Variants in FYB1 observed in about 807,000 individuals in gnomAD.
FYB1 encodes the protein FYN-binding protein 1.
A neutral mutation model predicts 94.1 loss-of-function variants in FYB1; 41 were observed. The ratio of observed to expected loss-of-function variants is 0.44; its 90% CI spans 0.34 to 0.57. FYB1 has a LOEUF of 0.57. Ranked by LOEUF, FYB1 falls within the 20% of genes least tolerant of loss-of-function variation. The pLI is 0.02. For missense variants in FYB1, 1,050 were observed against 976.8 expected (o/e 1.07, Z -1.00); for synonymous variants, 367 against 353.2 (o/e 1.04, Z -0.44).
At chr5:39,120,345 T>C (rs1739976031) in intron 14 of FYB1, among the ~76,000 whole-genome samples, 1 of 152,004 alleles carries the variant, frequency 6.6e-6, no homozygotes. Context: ...GACTTACTTT[T>C]TTTAAAACTG....
chr5:39,127,896 T>C, intron 10 of FYB1, 89 bp from the exon 11 acceptor site: 1 of 1,230,104 alleles, frequency 8.1e-7, no homozygotes, highest in Admixed American at 2.8e-5. Flanking sequence ...ATCTTCCTTA[T>C]TTAACTGCAG....
intron 3 of FYB1, among the ~76,000 whole-genome samples, chr5:39,144,020 A>T (rs61214200): frequency 0.17 from 26,004 of 152,168 alleles, 2,508 homozygotes; most frequent in Non-Finnish European, 0.22. Flanking sequence ...AATAAGCCAA[A>T]CTCATAGTAA....
At chr5:39,213,753 A>T (rs968643901) in intron 1 of FYB1, among the ~76,000 whole-genome samples, 2 of 152,166 alleles carry the variant, frequency 1.3e-5, no homozygotes, top group Non-Finnish European at 2.9e-5. Flanking sequence ...GCTGCCCCTT[A>T]GAGTTGGTTA....
intron 2 of FYB1, among the ~76,000 whole-genome samples, chr5:39,188,668 G>A (rs190805126): frequency 0.01 from 1,527 of 151,644 alleles, 9 homozygotes; most frequent in Non-Finnish European, 0.016. Context: ...AGTAGCTGGG[G>A]TTACAGGCGC....
intron 2 of FYB1, among the ~76,000 whole-genome samples, chr5:39,181,231 T>C (rs984222205): frequency 6.6e-6 from 1 of 152,190 alleles, no homozygotes; most frequent in African/African-American, 2.4e-5. Flanking sequence ...ATCAGTGCTG[T>C]CCAAAAGAAT....
chr5:39,114,626 G>A (rs1376482819), intron 16 of FYB1, among the ~76,000 whole-genome samples: 2 of 152,168 alleles, frequency 1.3e-5, no homozygotes, highest in African/African-American at 4.8e-5. Context: ...AAGATTTAGA[G>A]GCTCTGCAAT....
At chr5:39,171,657 C>T (rs1238805543) in intron 2 of FYB1, among the ~76,000 whole-genome samples, 1 of 152,126 alleles carries the variant, frequency 6.6e-6, no homozygotes, top group Non-Finnish European at 1.5e-5. Flanking sequence ...TGCAATATTG[C>T]CTGGTATATA....
intron 1 of FYB1, among the ~76,000 whole-genome samples, chr5:39,254,493 A>G (rs1751854021): frequency 2.0e-5 from 3 of 152,226 alleles, no homozygotes; most frequent in African/African-American, 7.2e-5. Context: ...ATAAAATTCT[A>G]TTTTACAATT....
chr5:39,118,854 T>G lies in FYB1; in HGVS notation c.2401+20A>C. 1 of 1,409,542 alleles carries G rather than the reference T, an allele frequency of 7.1e-7. No individual in the cohort carries two copies. 87.3% of individuals were successfully genotyped at this position (1,409,542 alleles called of 1,614,324 possible). A position where few individuals can be genotyped will look rare whatever the true frequency, so the allele number is the denominator to read the frequency against. On this transcript the variant is annotated intron_variant, in intron 16 of 18. Coordinates refer to ENST00000512982, the MANE Select transcript of FYB1 (RefSeq NM_001465.6). ...GAGTGACATATATATGCACATATTA[T>G]AGTATAAGCAGTGACTTACATTTCC...
intron 1 of FYB1, among the ~76,000 whole-genome samples, chr5:39,260,216 G>A (rs1157742659): frequency 1.3e-5 from 2 of 152,212 alleles, no homozygotes; most frequent in Non-Finnish European, 2.9e-5. Context: ...ATTGAAGAAA[G>A]TCATTAGGCT....
At chr5:39,188,040 G>A (rs180804797) in intron 2 of FYB1, among the ~76,000 whole-genome samples, 9 of 152,178 alleles carry the variant, frequency 5.9e-5, no homozygotes, top group South Asian at 2.1e-4. Context: ...GGTAGAACAC[G>A]TCACCACTCT....
chr5:39,186,638 C>CTTTT (rs56144868), intron 2 of FYB1, among the ~76,000 whole-genome samples: 2 of 76,370 alleles, frequency 2.6e-5, no homozygotes, highest in East Asian at 4.8e-4. Flanking sequence ...CAATTGGATG[C>CTTTT]TTTTTTTTTT....
At chr5:39,110,533 A>G in intron 16 of FYB1, 144 bp from the exon 17 acceptor site, 1 of 485,840 alleles carries the variant, frequency 2.1e-6, no homozygotes, top group South Asian at 4.1e-5. Context: ...CATTTTTCTT[A>G]CTTGTGTCTA....
intron 1 of FYB1, among the ~76,000 whole-genome samples, chr5:39,243,974 T>C (rs1188981260): frequency 6.6e-6 from 1 of 152,168 alleles, no homozygotes; most frequent in Non-Finnish European, 1.5e-5. Context: ...ATGCTTGTGA[T>C]TTTTGCACAC....
chr5:39,189,480 T>C (rs1276883852), intron 2 of FYB1, among the ~76,000 whole-genome samples: 4 of 152,154 alleles, frequency 2.6e-5, no homozygotes, highest in African/African-American at 9.7e-5. Flanking sequence ...TGACTTCTTC[T>C]GGGAGGAGGC....
chr5:39,125,205 T>C (rs1740529243), intron 12 of FYB1, among the ~76,000 whole-genome samples: 1 of 152,178 alleles, frequency 6.6e-6, no homozygotes, highest in Non-Finnish European at 1.5e-5. Flanking sequence ...TTTGGTGTTT[T>C]ACAAGCCAAT....
At chr5:39,183,716 G>C (rs1225859405) in intron 2 of FYB1, among the ~76,000 whole-genome samples, 1 of 151,978 alleles carries the variant, frequency 6.6e-6, no homozygotes, top group Non-Finnish European at 1.5e-5. Context: ...AATCAAAAAG[G>C]CATTTGCCAC....
intron 1 of FYB1, among the ~76,000 whole-genome samples, chr5:39,204,838 A>G (rs1339457331): frequency 6.6e-6 from 1 of 152,186 alleles, no homozygotes; most frequent in Non-Finnish European, 1.5e-5. Context: ...GCAAATTCCA[A>G]CTTGAATTTT....
At position 39,108,444 on chromosome 5, in the gene FYB1, C is replaced by G. The variant is rs140938200; in HGVS notation, c.2436-182G>C. ...TTATCTCTTCTTTCATTGACTTAAT[C>G]TAGTCCTCTGTTTCATTTTACATAC... On this transcript the variant is annotated intron_variant, in intron 17 of 18. Coordinates refer to ENST00000512982, the MANE Select transcript of FYB1 (RefSeq NM_001465.6). 2.1e-3 allele frequency among the ~76,000 whole-genome samples: 324 copies of G among 152,098 alleles called. 2 individuals are homozygous for G. The highest frequency in any genetic ancestry group is 7.5e-3 in the African/African-American group (310 of 41,534).
Sources: allele counts gnomAD v4.1 joint callset (sites outside exome capture counted in the v4.1 genomes callset), GRCh38; gene constraint gnomAD v4.1.1; transcripts MANE v1.5; gene names NCBI Gene and HGNC (gene_info 2026-07-23, HGNC 2026-07-21).